The following PPP2R5A variants were observed in gnomAD, a reference collection of about 807,000 sequenced individuals.
PPP2R5A encodes the protein serine/threonine-protein phosphatase 2A 56 kDa regulatory subunit alpha isoform.
PPP2R5A carries 25 observed loss-of-function variants against 64.2 expected under a neutral mutation model. That is an observed-to-expected ratio of 0.39 (90% confidence interval 0.28 to 0.54). The LOEUF is 0.54. PPP2R5A is among the 20% of genes least tolerant of loss of function. PPP2R5A has a pLI of 0.67. For synonymous variants in PPP2R5A, 198 were observed against 201.2 expected, an observed-to-expected ratio of 0.98 and a Z score of 0.13; for missense variants, 425 against 576.3, an observed-to-expected ratio of 0.74 and a Z score of 2.69.
chr1:212,314,680 C>T (rs1046690765), intron 1 of PPP2R5A, among the ~76,000 whole-genome samples: 1 of 151,668 alleles, frequency 6.6e-6, no homozygotes, highest in African/African-American at 2.4e-5. Flanking sequence ...GCCTCAGTCT[C>T]CTGAGTAGCT....
chr1:212,287,794 TA>T (rs1331507712), intron 1 of PPP2R5A, among the ~76,000 whole-genome samples: 1 of 152,210 alleles, frequency 6.6e-6, no homozygotes, highest in African/African-American at 2.4e-5. Flanking sequence ...TAAAATATCA[TA>T]GTTTTTTTAT....
At chr1:212,307,190 T>A (rs1658931990) in intron 1 of PPP2R5A, among the ~76,000 whole-genome samples, 1 of 152,176 alleles carries the variant, frequency 6.6e-6, no homozygotes, top group Non-Finnish European at 1.5e-5. Context: ...TTCTTTAGTA[T>A]TAAGTGAATA....
chr1:212,343,627 T>G (rs1659724852), intron 4 of PPP2R5A, among the ~76,000 whole-genome samples: 1 of 152,192 alleles, frequency 6.6e-6, no homozygotes, highest in Non-Finnish European at 1.5e-5. Context: ...AAATATTAGG[T>G]GTGTATTAAC....
At chr1:212,355,481 C>T (rs547433059) in intron 8 of PPP2R5A, among the ~76,000 whole-genome samples, 6 of 152,168 alleles carry the variant, frequency 3.9e-5, no homozygotes, top group Non-Finnish European at 7.4e-5. Flanking sequence ...AAAAAGCTGT[C>T]AAAGATCTAT....
intron 1 of PPP2R5A, among the ~76,000 whole-genome samples, chr1:212,322,901 T>C (rs1369633359): frequency 6.6e-6 from 1 of 152,190 alleles, no homozygotes; most frequent in Non-Finnish European, 1.5e-5. Context: ...TTCTCCTGCC[T>C]CAGCCTCCCG....
chr1:212,316,702 A>G (rs1308674247), intron 1 of PPP2R5A, among the ~76,000 whole-genome samples: 1 of 138,100 alleles, frequency 7.2e-6, no homozygotes, highest in Non-Finnish European at 1.5e-5. Flanking sequence ...ATTTCTCTGT[A>G]TTTGGTTTTA....
chr1:212,332,075 T>C (rs1659515011), intron 2 of PPP2R5A, among the ~76,000 whole-genome samples: 1 of 152,228 alleles, frequency 6.6e-6, no homozygotes, highest in Non-Finnish European at 1.5e-5. Context: ...TCTTGTGAGA[T>C]AGATTTCTTT....
chr1:212,298,886 C>T (rs1414864807), intron 1 of PPP2R5A, among the ~76,000 whole-genome samples: 39 of 39,894 alleles, frequency 9.8e-4, no homozygotes, highest in Non-Finnish European at 1.2e-3. Flanking sequence ...GGGCTGACCC[C>T]CCACCTCCCT....
At position 212,360,794 on chromosome 1, in the gene PPP2R5A, G is replaced by A. The variant is rs775066435; in HGVS notation, c.*24G>A. 1.1e-5 allele frequency: 17 copies of A among 1,496,222 alleles called. No homozygotes were observed. Among genetic ancestry groups the A allele is most frequent in the Non-Finnish European group, 1.4e-5 (16 of 1,124,748 alleles). The allele number at this position is 1,496,222 out of a possible 1,614,324, so 92.7% of individuals were successfully genotyped here. On this transcript the variant is annotated 3_prime_UTR_variant, in exon 13 of 13. Transcript: ENST00000261461. ...AAAAAAAAAGCCTCCCACCTCTGCC[G>A]GATAGGCAGAGTTTTGTATGCTTTT...
chr1:212,358,670 C>A lies in PPP2R5A; in HGVS notation c.1227-16C>A. On this transcript the variant is annotated splice_polypyrimidine_tract_variant and intron_variant, in intron 11 of 12. Transcript: ENST00000261461. ...TAGCAGTATCATAACTCAGGACTGG[C>A]TCATTTTCATTTCAGGACCATTGTA... is the stretch of plus-strand genomic sequence containing the variant. 6.3e-7 allele frequency: 1 copy of A among 1,587,028 alleles called. No individual in the cohort carries two copies. Among genetic ancestry groups the A allele is most frequent in the Non-Finnish European group, 8.6e-7 (1 of 1,157,454 alleles).
At chr1:212,328,282 T>G (rs1659441789) in intron 1 of PPP2R5A, among the ~76,000 whole-genome samples, 1 of 151,826 alleles carries the variant, frequency 6.6e-6, no homozygotes, top group Admixed American at 6.6e-5. Flanking sequence ...AAAACTGTAC[T>G]CCAGCCCAGG....
At chr1:212,354,601 T>TTAAGCCTAGGAGTTCAAGGTTACAA (rs1202547514) in intron 8 of PPP2R5A, among the ~76,000 whole-genome samples, 209 of 151,936 alleles carry the variant, frequency 1.4e-3, no homozygotes, top group Non-Finnish European at 2.7e-3. Context: ...GGAGGATCAT[T>TTAAGCCTAGGAGTTCAAGGTTACAA]TAAGCCTAGG....
chr1:212,286,166 A>G lies in PPP2R5A; in HGVS notation c.56A>G (p.Glu19Gly), dbSNP rs1460914404. 6.3e-7 allele frequency: 1 copy of G among 1,591,214 alleles called. No individual in the cohort carries two copies. Among genetic ancestry groups the G allele is most frequent in the Non-Finnish European group, 8.5e-7 (1 of 1,170,392 alleles). ...GCCAGCGCCGCCATCTCGGCCTCGGAGAAAGTGGACGGCTTCACCCGGAAA... is the reference window on the plus strand; with the variant it reads ...GCCAGCGCCGCCATCTCGGCCTCGGGGAAAGTGGACGGCTTCACCCGGAAA... Reference protein sequence around the residue: ...GAASAAISASEKVDGFTRKSV... With the variant: ...GAASAAISASGKVDGFTRKSV... Residue 19 changes from glutamate (E) to glycine (G), a missense_variant, in exon 1 of 13, where the codon GAG becomes GGG. Glu to Gly is a moderately conservative substitution (Grantham distance 98). Transcript: ENST00000261461.
At chr1:212,312,277 T>C (rs950559678) in intron 1 of PPP2R5A, among the ~76,000 whole-genome samples, 9 of 152,212 alleles carry the variant, frequency 5.9e-5, no homozygotes, top group African/African-American at 1.9e-4. Context: ...CATTCTGATA[T>C]TCACACAATG....
At chr1:212,318,397 G>A (rs775646572) in intron 1 of PPP2R5A, among the ~76,000 whole-genome samples, 1 of 152,028 alleles carries the variant, frequency 6.6e-6, no homozygotes, top group Admixed American at 6.5e-5. Context: ...CTAGAAGAAT[G>A]CTGCTTTTAA....
At chr1:212,350,644 ACT>A (rs1363963494) in intron 8 of PPP2R5A, among the ~76,000 whole-genome samples, 1 of 150,154 alleles carries the variant, frequency 6.7e-6, no homozygotes, top group Non-Finnish European at 1.5e-5. Context: ...ACAGAGTGAG[ACT>A]CTGTCTTCAA....
chr1:212,315,241 T>C (rs1375900985), intron 1 of PPP2R5A, among the ~76,000 whole-genome samples: 1 of 152,214 alleles, frequency 6.6e-6, no homozygotes, highest in Non-Finnish European at 1.5e-5. Context: ...ATTTGTATTA[T>C]GTATGATTTT....
At chr1:212,289,167 A>G (rs1233334253) in intron 1 of PPP2R5A, among the ~76,000 whole-genome samples, 1 of 152,244 alleles carries the variant, frequency 6.6e-6, no homozygotes, top group African/African-American at 2.4e-5. Context: ...TTTATATAAC[A>G]TTTTAGCATT....
intron 1 of PPP2R5A, among the ~76,000 whole-genome samples, chr1:212,305,035 ATTT>A: frequency 9.3e-6 from 1 of 107,936 alleles, no homozygotes; most frequent in Admixed American, 9.4e-5. Flanking sequence ...CCGGCCCCCA[ATTT>A]TTTTTTTTTT....
Sources: allele counts gnomAD v4.1 joint callset (sites outside exome capture counted in the v4.1 genomes callset), GRCh38; gene constraint gnomAD v4.1.1; transcripts MANE v1.5; gene names NCBI Gene and HGNC (gene_info 2026-07-23, HGNC 2026-07-21).